NFATC1: variants seen among roughly 807,000 people sequenced by gnomAD.
NFATC1 encodes the protein nuclear factor of activated T cells 1.
A neutral mutation model predicts 76.0 loss-of-function variants in NFATC1; 22 were observed. That is an observed-to-expected ratio of 0.29 (90% CI 0.21 to 0.41). NFATC1 has a LOEUF of 0.41. Among genes scored for constraint, NFATC1 ranks in the 10% least tolerant of loss-of-function variants. The pLI is 1.00. For missense variants in NFATC1, 1,357 were observed against 1,337.7 expected (o/e 1.01, Z -0.23); for synonymous variants, 704 against 613.1 (o/e 1.15, Z -2.19).
intron 3 of NFATC1, among the ~76,000 whole-genome samples, chr18:79,443,444 G>A (rs912722342): frequency 3.9e-5 from 6 of 152,208 alleles, no homozygotes; most frequent in South Asian, 2.1e-4. Flanking sequence ...AGGGCCTCTC[G>A]TGCAGGAAAC....
At chr18:79,464,699 T>TATATATATA (rs1568994752) in intron 7 of NFATC1, among the ~76,000 whole-genome samples, 1 of 83,814 alleles carries the variant, frequency 1.2e-5, no homozygotes, top group Non-Finnish European at 2.3e-5. Flanking sequence ...TATATATTTA[T>TATATATATA]TTATTTATTT....
rs1159390855 is a variant in NFATC1, at chr18:79,402,371, C to T, written c.127+6020C>T. 1.6e-5 allele frequency: 16 copies of T among 985,456 alleles called. No homozygotes were observed. In the South Asian group the frequency reaches 5.6e-4, roughly 35 times the overall value. The allele number at this position is 985,456 out of a possible 1,614,324, so 61.0% of individuals were successfully genotyped here. ...TCCTGACCCAGAAGCAGGTGGCCGC[C>T]TTCCAGGTGGGTTCAGGACACAGTC... On this transcript the variant is annotated intron_variant, in intron 1 of 9. Transcript: ENST00000427363.
intron 8 of NFATC1, chr18:79,468,786 T>C (rs2088645104): frequency 6.6e-6 from 1 of 152,348 alleles, no homozygotes; most frequent in Non-Finnish European, 1.5e-5. Context: ...TAAGAGTGTC[T>C]GTGAGACAGA....
chr18:79,416,071 C>CA (rs1382209922), intron 2 of NFATC1, among the ~76,000 whole-genome samples: 2 of 152,040 alleles, frequency 1.3e-5, no homozygotes, highest in African/African-American at 2.4e-5. Flanking sequence ...TCCAAACAAA[C>CA]AAAAAAACCC....
intron 9 of NFATC1, among the ~76,000 whole-genome samples, chr18:79,515,567 T>A (rs2090360886): frequency 6.6e-6 from 1 of 151,870 alleles, no homozygotes; most frequent in South Asian, 2.1e-4. Context: ...GCTTTTGACC[T>A]CCTGCTGCTA....
intron 2 of NFATC1, among the ~76,000 whole-genome samples, chr18:79,413,898 T>C (rs1281296961): frequency 6.6e-6 from 1 of 152,196 alleles, no homozygotes; most frequent in African/African-American, 2.4e-5. Flanking sequence ...CGTGACCCTG[T>C]TAGCTTTATC....
chr18:79,467,242 T>C (rs373375709), intron 7 of NFATC1, among the ~76,000 whole-genome samples: 1 of 151,148 alleles, frequency 6.6e-6, no homozygotes, highest in South Asian at 2.1e-4. Flanking sequence ...CAGCTGCTTC[T>C]GGACCGCCCA....
Position 79,450,643 on chromosome 18 carries a change from G to A in NFATC1, c.1590-311G>A, listed in dbSNP as rs565159159. On this transcript the variant is annotated intron_variant, in intron 4 of 9. Coordinates refer to ENST00000427363, the MANE Select transcript of NFATC1 (RefSeq NM_001278669.2). ...ACTTGGGACAGCTCCGACTGGACCC[G>A]CTTGGTCAGGGGTGGAGGGTGGAGG... Among the ~76,000 whole-genome samples the A allele has an allele frequency of 5.9e-5, 9 of 152,238 alleles. No individual in the cohort carries two copies. In the South Asian group the frequency reaches 1.5e-3, roughly 25 times the overall value.
chr18:79,502,743 T>C (rs1476193299), intron 9 of NFATC1, among the ~76,000 whole-genome samples: 4 of 152,192 alleles, frequency 2.6e-5, no homozygotes, highest in Non-Finnish European at 5.9e-5. Flanking sequence ...CACTAGTTAT[T>C]AGGGAATGCA....
At chr18:79,424,259 G>A (rs1041197561) in intron 2 of NFATC1, among the ~76,000 whole-genome samples, 8 of 152,234 alleles carry the variant, frequency 5.3e-5, no homozygotes, top group African/African-American at 9.6e-5. Flanking sequence ...TCTTTAGGCC[G>A]GGCTCCGGGC....
chr18:79,527,337 C>G (rs1229756282), intron 9 of NFATC1, 191 bp from the exon 10 acceptor site: 3 of 571,914 alleles, frequency 5.2e-6, no homozygotes, highest in African/African-American at 3.7e-5. Flanking sequence ...GACCCCAGCT[C>G]TCTGCCGAGG....
chr18:79,481,281 G>A (rs998672770), intron 8 of NFATC1, among the ~76,000 whole-genome samples: 3 of 152,256 alleles, frequency 2.0e-5, no homozygotes, highest in Non-Finnish European at 2.9e-5. Context: ...CATGGCCTAA[G>A]GCAAGACGCG....
intron 8 of NFATC1, among the ~76,000 whole-genome samples, chr18:79,475,767 C>T (rs1032977142): frequency 2.0e-5 from 3 of 152,232 alleles, no homozygotes; most frequent in African/African-American, 4.8e-5. Flanking sequence ...AAGGGAGGTC[C>T]GAGATGTGCT....
intron 9 of NFATC1, among the ~76,000 whole-genome samples, chr18:79,495,295 G>A (rs1024845878): frequency 1.3e-5 from 2 of 152,260 alleles, no homozygotes; most frequent in African/African-American, 4.8e-5. Flanking sequence ...GGGCCTGTGA[G>A]GTTCTGGGCA....
intron 8 of NFATC1, 27 bp downstream of exon 8, chr18:79,467,609 C>T (rs755907573): frequency 8.7e-6 from 14 of 1,612,606 alleles, no homozygotes; most frequent in South Asian, 2.2e-5. Flanking sequence ...AACCGTAAGC[C>T]GTGAACATGA....
intron 1 of NFATC1, among the ~76,000 whole-genome samples, chr18:79,398,676 C>G (rs558643942): frequency 6.6e-6 from 1 of 152,228 alleles, no homozygotes; most frequent in African/African-American, 2.4e-5. Flanking sequence ...CACCAGCAGG[C>G]GGGACAGTTT....
chr18:79,519,586 G>T (rs575853104), intron 9 of NFATC1, among the ~76,000 whole-genome samples: 1 of 152,246 alleles, frequency 6.6e-6, no homozygotes, highest in Non-Finnish European at 1.5e-5. Context: ...TGATCCTCCC[G>T]CCTTGGCTTC....
At chr18:79,484,182 C>T (rs925304902) in intron 8 of NFATC1, among the ~76,000 whole-genome samples, 10 of 152,094 alleles carry the variant, frequency 6.6e-5, no homozygotes, top group African/African-American at 2.4e-4. Context: ...CAGCCCCTGG[C>T]CTCATCCTCC....
chr18:79,475,838 G>A (rs1284181698), intron 8 of NFATC1, among the ~76,000 whole-genome samples: 4 of 152,226 alleles, frequency 2.6e-5, no homozygotes, highest in Non-Finnish European at 5.9e-5. Flanking sequence ...CAGGCCGTGC[G>A]TGTCCTCAGA....
Sources: gnomAD v4.1 joint callset for allele counts (sites outside exome capture counted in the v4.1 genomes callset) on GRCh38, gnomAD v4.1.1 for gene constraint, MANE v1.5 for transcripts, NCBI Gene and HGNC (gene_info 2026-07-23, HGNC 2026-07-21) for gene names.